RIN3: variants seen among roughly 807,000 people sequenced by gnomAD.
The protein encoded by RIN3 is Ras and Rab interactor 3.
Under a neutral mutation model 76.3 loss-of-function variants are expected in RIN3, and 54 were observed. The ratio of observed to expected loss-of-function variants is 0.71; its 90% confidence interval spans 0.57 to 0.89. The LOEUF is 0.89. Among genes scored for constraint, RIN3 ranks in the 40% least tolerant of loss-of-function variants. RIN3 has a pLI of 0.00. For missense variants in RIN3, 1,256 were observed against 1,322.1 expected (o/e 0.95, Z 0.78); for synonymous variants, 576 against 564.0 (o/e 1.02, Z -0.30).
In RIN3 at chr14:92,641,309, C is replaced by A. The variant is rs1243010857; in HGVS notation, c.512C>A (p.Thr171Asn). The change falls in exon 5 of 10, where the codon ACC becomes AAC. Residue 171 changes from threonine to asparagine, a missense_variant. By Grantham distance (65) the Thr-to-Asn change is moderately conservative. Around this residue, in one of 3 missense-constraint regions of RIN3, gnomAD observed 610 missense variants for 626.4 expected, o/e 0.97. Coordinates refer to ENST00000216487, the MANE Select transcript of RIN3 (RefSeq NM_024832.5). ...LEASSFTDLE[T>N]IANLGLGFWD... ...GCCAGCAGCTTCACGGACCTTGAGA[C>A]CATCGCCAACCTGGGTCTGGGTGAG... is the stretch of plus-strand genomic sequence containing the variant. 1 of 1,613,896 alleles carries A rather than the reference C, an allele frequency of 6.2e-7. No individual in the cohort carries two copies. The highest frequency in any genetic ancestry group is 1.7e-5 in the Admixed American group (1 of 60,022).
At chr14:92,519,447 C>T (rs923330315) in intron 1 of RIN3, among the ~76,000 whole-genome samples, 8 of 152,094 alleles carry the variant, frequency 5.3e-5, no homozygotes, top group Admixed American at 3.3e-4. Context: ...AGTAGCCTCT[C>T]GAGGGTGGCT....
At chr14:92,592,233 T>C (rs8011985) in intron 3 of RIN3, among the ~76,000 whole-genome samples, 44,138 of 151,360 alleles carry the variant, frequency 0.29, 6,651 homozygotes, top group East Asian at 0.47. Context: ...GAAACCACGT[T>C]TCTACTAAAA....
At chr14:92,629,051 G>A (rs1221157293) in intron 4 of RIN3, among the ~76,000 whole-genome samples, 2 of 152,092 alleles carry the variant, frequency 1.3e-5, no homozygotes, top group Non-Finnish European at 2.9e-5. Flanking sequence ...ACTGGCCACG[G>A]CCAGAAACCT....
Position 92,550,477 on chromosome 14 carries a change from G to A in RIN3, c.45-5274G>A, listed in dbSNP as rs370508512. Among the ~76,000 whole-genome samples, 9 of 152,124 alleles carry A rather than the reference G, an allele frequency of 5.9e-5. No homozygotes were observed. In the East Asian group the frequency reaches 1.5e-3, roughly 26 times the overall value. ...TACCCAGGCTGGAATGCAATGAGGC[G>A]ATCTCAGCTCACTGCAGCCTCCACC... On this transcript the variant is annotated intron_variant, in intron 1 of 9. Transcript: ENST00000216487.
intron 3 of RIN3, among the ~76,000 whole-genome samples, chr14:92,578,704 T>A (rs1436286499): frequency 6.6e-6 from 1 of 152,172 alleles, no homozygotes; most frequent in Non-Finnish European, 1.5e-5. Context: ...TGAATCTGTC[T>A]TCTTGCACTG....
chr14:92,581,934 G>A (rs1237867269), intron 3 of RIN3, among the ~76,000 whole-genome samples: 1 of 152,296 alleles, frequency 6.6e-6, no homozygotes, highest in African/African-American at 2.4e-5. Context: ...GGATTCTGGC[G>A]AAACTGACCC....
chr14:92,516,787 T>G (rs1055456811), intron 1 of RIN3, among the ~76,000 whole-genome samples: 1 of 152,160 alleles, frequency 6.6e-6, no homozygotes, highest in South Asian at 2.1e-4. Context: ...CCTGGGTCCC[T>G]GATCTGTGAT....
chr14:92,595,999 G>T (rs1266442404), intron 3 of RIN3, among the ~76,000 whole-genome samples: 1 of 152,164 alleles, frequency 6.6e-6, no homozygotes, highest in Non-Finnish European at 1.5e-5. Flanking sequence ...GTGTCTCTTT[G>T]TGTCCATCTC....
At chr14:92,594,744 A>G (rs1254418421) in intron 3 of RIN3, among the ~76,000 whole-genome samples, 1 of 152,236 alleles carries the variant, frequency 6.6e-6, no homozygotes, top group Non-Finnish European at 1.5e-5. Flanking sequence ...TACTTCTCTC[A>G]CTTAACTAGC....
chr14:92,524,720 CTTCA>C (rs1189763489), intron 1 of RIN3, among the ~76,000 whole-genome samples: 1 of 152,200 alleles, frequency 6.6e-6, no homozygotes, highest in Non-Finnish European at 1.5e-5. Flanking sequence ...TCTGGAAACT[CTTCA>C]TCCAGCCCCT....
Position 92,653,083 on chromosome 14 carries a change from C to T in RIN3, c.2026+8C>T, listed in dbSNP as rs767060314. On this transcript the variant is annotated splice_region_variant and intron_variant, in intron 6 of 9. Transcript: ENST00000216487. Reference sequence around the variant, plus strand: ...ACTCCGAGGAGGAGCTCGGTCAGTGCCCTGGGAGGAGGTGGCAGGGAGGAG... The same window carrying T: ...ACTCCGAGGAGGAGCTCGGTCAGTGTCCTGGGAGGAGGTGGCAGGGAGGAG... 2 of 1,593,174 alleles carry T rather than the reference C, an allele frequency of 1.3e-6. No individual in the cohort carries two copies. Among genetic ancestry groups the T allele is most frequent in the Non-Finnish European group, 8.5e-7 (1 of 1,174,686 alleles).
rs910936300 is a variant in RIN3, at chr14:92,688,654, C to T, written c.*402C>T. 4.8e-6 allele frequency: 1 copy of T among 209,772 alleles called. No individual in the cohort carries two copies. The highest frequency in any genetic ancestry group is 9.6e-6 in the Non-Finnish European group (1 of 104,562). The allele number at this position is 209,772 out of a possible 1,614,324, so 13.0% of individuals were successfully genotyped here. On this transcript the variant is annotated 3_prime_UTR_variant, in exon 10 of 10. Transcript: ENST00000216487. ...CGAGCTTAGTTTCCCCAGGACTGGC[C>T]TAGGAAGGAGCACCGGCCACAGCTG... is the stretch of plus-strand genomic sequence containing the variant.
At chr14:92,586,796 C>T (rs1287321368) in intron 3 of RIN3, among the ~76,000 whole-genome samples, 2 of 152,112 alleles carry the variant, frequency 1.3e-5, no homozygotes, top group African/African-American at 2.4e-5. Flanking sequence ...ACAAGTCGTT[C>T]GAACTGTCCT....
rs55818571 is a variant in RIN3 at position 92,665,370 on chromosome 14, C to CT, written c.2335+5927dup. Among the ~76,000 whole-genome samples the CT allele has an allele frequency of 7.9e-3, 658 of 83,606 alleles. 46 individuals are homozygous for CT. The highest frequency in any genetic ancestry group is 0.021 in the Middle Eastern group (3 of 146). The allele number at this position is 83,606 out of a possible 152,430, so 54.8% of individuals were successfully genotyped here. On this transcript the variant is annotated intron_variant, in intron 7 of 9. Coordinates refer to ENST00000216487, the MANE Select transcript of RIN3 (RefSeq NM_024832.5). ...GACTGTATTTCCACAGCCTTTGTCT[C>CT]TTTTTTTTTTTTTTTTTTTTTTTTT...
chr14:92,642,278 A>G (rs1172151643), intron 5 of RIN3, among the ~76,000 whole-genome samples: 1 of 151,520 alleles, frequency 6.6e-6, no homozygotes, highest in Non-Finnish European at 1.5e-5. Context: ...AATTTCGTAT[A>G]TTTTAACATG....
intron 3 of RIN3, among the ~76,000 whole-genome samples, chr14:92,605,561 A>G (rs1482968422): frequency 1.3e-5 from 2 of 152,248 alleles, no homozygotes; most frequent in African/African-American, 2.4e-5. Context: ...ACAAACGCTC[A>G]CACTTCATAT....
intron 9 of RIN3, 51 bp from the exon 10 acceptor site, chr14:92,687,875 C>A: frequency 6.9e-7 from 1 of 1,457,010 alleles, no homozygotes. Flanking sequence ...GGAGAGGGCG[C>A]CTGAGGAGAC....
At chr14:92,585,963 C>A (rs1412616744) in intron 3 of RIN3, among the ~76,000 whole-genome samples, 1 of 152,190 alleles carries the variant, frequency 6.6e-6, no homozygotes. Context: ...TTAATGCAAA[C>A]TTCTTTTGAG....
rs756496372 is a variant in RIN3, at chr14:92,525,036, C to T, written c.44+11060C>T. On this transcript the variant is annotated intron_variant, in intron 1 of 9. Coordinates refer to ENST00000216487, the MANE Select transcript of RIN3 (RefSeq NM_024832.5). The stretch of plus-strand genomic sequence containing the variant: ...CCTGCAGGGCCGCTGTACACCGTTG[C>T]GCAGGTTGTTTACTGCTCACGTGTT... Among the ~76,000 whole-genome samples the T allele has an allele frequency of 1.1e-3, 164 of 152,326 alleles. 9 individuals are homozygous for T. Among genetic ancestry groups the T allele is most frequent in the Middle Eastern group, 3.4e-3 (1 of 294 alleles).
Sources: allele counts gnomAD v4.1 joint callset (sites outside exome capture counted in the v4.1 genomes callset), GRCh38; gene constraint gnomAD v4.1.1; regional missense constraint gnomAD v4.1.1; transcripts MANE v1.5; gene names NCBI Gene and HGNC (gene_info 2026-07-23, HGNC 2026-07-21).